The following CELSR1 variants were observed in gnomAD, a reference collection of about 807,000 sequenced individuals.
CELSR1 encodes adhesion G protein-coupled receptor C1.
In CELSR1, 110 loss-of-function variants were observed where a neutral mutation model predicts 249.1. That is an observed-to-expected ratio of 0.44 (90% confidence interval 0.38 to 0.52). The LOEUF is 0.52. Among genes scored for constraint, CELSR1 ranks in the 20% least tolerant of loss-of-function variants. The pLI, the probability that CELSR1 is intolerant of heterozygous loss-of-function variation, is 0.00. For missense variants in CELSR1, 4,109 were observed against 4,296.4 expected (o/e 0.96, Z 1.22); for synonymous variants, 2,113 against 1,900.0 (o/e 1.11, Z -2.92).
chr22:46,424,054 A>G (rs1490455648), intron 5 of CELSR1, among the ~76,000 whole-genome samples: 2 of 151,788 alleles, frequency 1.3e-5, no homozygotes, highest in African/African-American at 4.9e-5. Context: ...ACCAGCAAAC[A>G]TTGTAAATCT....
chr22:46,450,184 C>T (rs749571458), intron 2 of CELSR1, among the ~76,000 whole-genome samples: 2 of 152,214 alleles, frequency 1.3e-5, no homozygotes, highest in South Asian at 4.1e-4. Flanking sequence ...TGCCTCTTCC[C>T]GGGGACTTCA....
chr22:46,407,090 G>A lies in CELSR1; in HGVS notation c.5226+1906C>T, dbSNP rs894291377. Reference sequence around the variant, plus strand: ...AGGAGAGGAGGCTAACCTAAGGGCAGCATCTCTGTGCGCTGAAGGGAGGTC... The same window carrying A: ...AGGAGAGGAGGCTAACCTAAGGGCAACATCTCTGTGCGCTGAAGGGAGGTC... On this transcript the variant is annotated intron_variant, in intron 9 of 34. Transcript: ENST00000674500. This position sits in a 1 kb window ranked among gnomAD's most constrained non-coding sequence, Gnocchi z 4.8. Among the ~76,000 whole-genome samples, 4 of 152,214 alleles carry A rather than the reference G, an allele frequency of 2.6e-5. No homozygotes were observed. Among genetic ancestry groups the A allele is most frequent in the Non-Finnish European group, 4.4e-5 (3 of 68,030 alleles).
intron 1 of CELSR1, among the ~76,000 whole-genome samples, chr22:46,494,807 C>T (rs2080398199): frequency 1.3e-5 from 2 of 152,086 alleles, no homozygotes; most frequent in Admixed American, 6.6e-5. Flanking sequence ...GCACCCAGCC[C>T]TGAATTTCTC....
chr22:46,379,743 A>G (rs1292582077), intron 22 of CELSR1, among the ~76,000 whole-genome samples: 2 of 152,204 alleles, frequency 1.3e-5, no homozygotes, highest in African/African-American at 4.8e-5. Flanking sequence ...GCCCAGGGCA[A>G]CTGTGATGGG....
At chr22:46,519,852 T>C (rs568880647) in intron 1 of CELSR1, among the ~76,000 whole-genome samples, 7 of 151,426 alleles carry the variant, frequency 4.6e-5, no homozygotes, top group Non-Finnish European at 1.0e-4. Flanking sequence ...AGATTTATAG[T>C]TCAGTACCTA....
At chr22:46,489,458 T>G (rs752793719) in intron 1 of CELSR1, among the ~76,000 whole-genome samples, 5 of 151,682 alleles carry the variant, frequency 3.3e-5, no homozygotes, top group Non-Finnish European at 7.4e-5. Flanking sequence ...AAACCTCTCC[T>G]GGCGCCCCTC....
At chr22:46,509,882 A>G in intron 1 of CELSR1, among the ~76,000 whole-genome samples, 1 of 152,174 alleles carries the variant, frequency 6.6e-6, no homozygotes, top group Non-Finnish European at 1.5e-5. Context: ...CTTCTCCAAG[A>G]TGTCATGATG....
chr22:46,439,527 A>G, intron 2 of CELSR1, 116 bp from the exon 3 acceptor site: 1 of 795,640 alleles, frequency 1.3e-6, no homozygotes, highest in Non-Finnish European at 2.0e-6. Flanking sequence ...GCTGAAAGAA[A>G]ACCCGACTGA....
chr22:46,460,214 CA>C (rs1364761595), intron 2 of CELSR1, among the ~76,000 whole-genome samples: 18 of 151,968 alleles, frequency 1.2e-4, no homozygotes, highest in Admixed American at 8.5e-4. Context: ...CACACACACA[CA>C]CCCATTAGCT....
At chr22:46,476,919 C>T (rs561827527) in intron 1 of CELSR1, among the ~76,000 whole-genome samples, 4 of 152,222 alleles carry the variant, frequency 2.6e-5, no homozygotes, top group South Asian at 2.1e-4. Flanking sequence ...GTAATTTTAT[C>T]GTATGTGAGT....
At chr22:46,365,504 T>G in intron 31 of CELSR1, 82 bp downstream of exon 31, 1 of 1,540,132 alleles carries the variant, frequency 6.5e-7, no homozygotes, top group South Asian at 1.2e-5. Context: ...TGCTAGTGCT[T>G]CTTCAGGGGC....
intron 22 of CELSR1, among the ~76,000 whole-genome samples, chr22:46,379,889 C>G (rs1337433174): frequency 6.6e-6 from 1 of 152,202 alleles, no homozygotes; most frequent in Non-Finnish European, 1.5e-5. Context: ...CCCTCCCTGA[C>G]TGTGCTCCCA....
At chr22:46,461,545 C>G (rs570593776) in intron 2 of CELSR1, among the ~76,000 whole-genome samples, 1 of 152,202 alleles carries the variant, frequency 6.6e-6, no homozygotes, top group Non-Finnish European at 1.5e-5. Flanking sequence ...CCACGTTAGA[C>G]GTTACCCTAG....
rs1262881118 is a variant in CELSR1, at chr22:46,399,558, A to G, written c.5412+159T>C. Among the ~76,000 whole-genome samples, 2 of 152,212 alleles carry G rather than the reference A, an allele frequency of 1.3e-5. No homozygotes were observed. The highest frequency in any genetic ancestry group is 1.3e-4 in the Admixed American group (2 of 15,284). On this transcript the variant is annotated intron_variant, in intron 10 of 34. Transcript: ENST00000674500. This position sits in a 1 kb window ranked among gnomAD's most constrained non-coding sequence, Gnocchi z 5.0. ...AGGTGAGGAAGATGCCAGTGACCTC[A>G]GTACAGGGCAGAACAGAAGCCCACC...
intron 2 of CELSR1, among the ~76,000 whole-genome samples, chr22:46,449,902 T>C (rs1042362184): frequency 6.6e-6 from 1 of 151,972 alleles, no homozygotes; most frequent in African/African-American, 2.4e-5. Context: ...AGAAAGTACC[T>C]CCAGCCTCCA....
intron 1 of CELSR1, among the ~76,000 whole-genome samples, chr22:46,509,844 G>C (rs1421154788): frequency 1.3e-5 from 2 of 152,178 alleles, no homozygotes; most frequent in African/African-American, 4.8e-5. Flanking sequence ...CAGGGGCTCA[G>C]TCCAGGGACC....
intron 1 of CELSR1, among the ~76,000 whole-genome samples, chr22:46,533,268 G>T (rs920519650): frequency 5.9e-5 from 9 of 152,172 alleles, no homozygotes; most frequent in Non-Finnish European, 1.3e-4. Context: ...GCTGGCTGAC[G>T]AAAGAGCATC....
At chr22:46,439,503 C>T in intron 2 of CELSR1, 92 bp from the exon 3 acceptor site, 1 of 1,025,212 alleles carries the variant, frequency 9.8e-7, no homozygotes, top group East Asian at 2.6e-5. Flanking sequence ...CACACCCCAG[C>T]CACACAGTCA....
At chr22:46,519,629 A>G (rs2147789037) in intron 1 of CELSR1, among the ~76,000 whole-genome samples, 1 of 152,292 alleles carries the variant, frequency 6.6e-6, no homozygotes, top group African/African-American at 2.4e-5. Context: ...TGCCCAAGAC[A>G]TCCACATACC....
Sources: allele counts gnomAD v4.1 joint callset (sites outside exome capture counted in the v4.1 genomes callset), GRCh38; gene constraint gnomAD v4.1.1; non-coding constraint Gnocchi (gnomAD v3.1); transcripts MANE v1.5; gene names NCBI Gene and HGNC (gene_info 2026-07-23, HGNC 2026-07-21).